Variants in SLC24A2 observed in about 807,000 individuals in gnomAD.
The protein encoded by SLC24A2 is solute carrier family 24 member 2.
Under a neutral mutation model 62.0 loss-of-function variants are expected in SLC24A2, and 36 were observed. The observed-to-expected ratio is 0.58, with a 90% CI of 0.44 to 0.77. The LOEUF (loss-of-function observed/expected upper bound fraction) is 0.77. SLC24A2 is among the 30% of genes least tolerant of loss of function. SLC24A2 has a pLI of 0.00. For synonymous variants in SLC24A2, 358 were observed against 294.0 expected (o/e 1.22, Z -2.23); for missense variants, 846 against 817.9 (o/e 1.03, Z -0.42).
the SLC24A2 span, among the ~76,000 whole-genome samples, chr9:19,953,250 G>C: frequency 8.6e-5 from 13 of 151,908 alleles, no homozygotes; most frequent in African/African-American, 3.1e-4. Flanking sequence ...CTATTGTATT[G>C]ATATTCCTTC....
intron 2 of SLC24A2, among the ~76,000 whole-genome samples, chr9:19,659,397 G>A (rs983226456): frequency 6.6e-6 from 1 of 152,136 alleles, no homozygotes; most frequent in African/African-American, 2.4e-5. Context: ...CTTTGTTATG[G>A]CAGCCCTGAG....
At chr9:19,771,934 T>C (rs999275835) in intron 2 of SLC24A2, among the ~76,000 whole-genome samples, 2 of 152,070 alleles carry the variant, frequency 1.3e-5, no homozygotes, top group African/African-American at 4.8e-5. Context: ...AGAAGGTGGA[T>C]GGGCAAGTTT....
Position 19,515,837 on chromosome 9 carries a change from T to C in SLC24A2, c.*316A>G, listed in dbSNP as rs1301161341. On this transcript the variant is annotated 3_prime_UTR_variant, in exon 11 of 11. Transcript: ENST00000341998. ...TTTATAATATGTGTATTTATAGATA[T>C]ATATAGCCTGTGTCCTTGTTTGCAT... is the stretch of plus-strand genomic sequence containing the variant. 2 of 383,002 alleles carry C rather than the reference T, an allele frequency of 5.2e-6. No individual in the cohort carries two copies. The highest frequency in any genetic ancestry group is 4.4e-5 in the South Asian group (2 of 45,706). The allele number at this position is 383,002 out of a possible 1,614,324, so 23.7% of individuals were successfully genotyped here.
chr9:19,613,041 G>T (rs1276372772), intron 4 of SLC24A2, among the ~76,000 whole-genome samples: 1 of 152,152 alleles, frequency 6.6e-6, no homozygotes, highest in Non-Finnish European at 1.5e-5. Context: ...CATGAAGTGG[G>T]GATGATGAGA....
Position 19,525,150 on chromosome 9 carries a change from A to C in SLC24A2, c.1569+2899T>G, listed in dbSNP as rs184534650. ...CACAGAGAACTTGCTCAGGAAGCCA[A>C]TGATTTTTTGGAAATATCCAGGAAG... On this transcript the variant is annotated intron_variant, in intron 9 of 10. Transcript: ENST00000341998. Among the ~76,000 whole-genome samples, 30 of 152,246 alleles carry C rather than the reference A, an allele frequency of 2.0e-4. No homozygotes were observed. In the East Asian group the frequency reaches 2.9e-3, roughly 15 times the overall value.
chr9:20,215,889 T>C, the SLC24A2 span, among the ~76,000 whole-genome samples: 35 of 152,278 alleles, frequency 2.3e-4, no homozygotes, highest in Non-Finnish European at 4.1e-4. Flanking sequence ...AGAGAAAGCA[T>C]GCAAGCGTCT....
At chr9:19,589,092 T>C (rs1163628396) in intron 5 of SLC24A2, among the ~76,000 whole-genome samples, 3 of 152,252 alleles carry the variant, frequency 2.0e-5, no homozygotes, top group Admixed American at 2.0e-4. Flanking sequence ...TGATCTGGCA[T>C]TTCTATCTTC....
At chr9:19,679,211 G>A (rs1819642925) in intron 2 of SLC24A2, among the ~76,000 whole-genome samples, 1 of 152,028 alleles carries the variant, frequency 6.6e-6, no homozygotes. Flanking sequence ...ATACCAAAGG[G>A]CAATAGTGTC....
intron 7 of SLC24A2, among the ~76,000 whole-genome samples, chr9:19,566,687 A>G (rs1189475029): frequency 6.6e-6 from 1 of 152,226 alleles, no homozygotes; most frequent in Non-Finnish European, 1.5e-5. Context: ...ACTATTCACA[A>G]TAGCAAAGAC....
the SLC24A2 span, among the ~76,000 whole-genome samples, chr9:20,023,830 G>A: frequency 2.0e-5 from 3 of 152,226 alleles, no homozygotes; most frequent in South Asian, 6.2e-4. Context: ...GAAGGCAAAT[G>A]GTTCCAAAAC....
At chr9:19,697,506 A>T (rs1820227246) in intron 2 of SLC24A2, among the ~76,000 whole-genome samples, 1 of 152,204 alleles carries the variant, frequency 6.6e-6, no homozygotes, top group African/African-American at 2.4e-5. Context: ...CTAATTTAGG[A>T]ATTGAGAAAA....
intron 2 of SLC24A2, chr9:19,705,240 T>C (rs1396406191): frequency 6.6e-6 from 1 of 152,220 alleles, no homozygotes; most frequent in African/African-American, 2.4e-5. Flanking sequence ...ATAAGACATT[T>C]ATTATAAAGG....
the SLC24A2 span, among the ~76,000 whole-genome samples, chr9:20,101,731 G>C: frequency 2.0e-5 from 3 of 151,894 alleles, no homozygotes; most frequent in Non-Finnish European, 2.9e-5. Context: ...TATCAACTCA[G>C]GTCTGAAAAA....
At chr9:20,140,932 CA>C in the SLC24A2 span, among the ~76,000 whole-genome samples, 1 of 152,170 alleles carries the variant, frequency 6.6e-6, no homozygotes. Flanking sequence ...ACCTCCAATT[CA>C]ACCACCACTC....
chr9:20,169,054 A>G, the SLC24A2 span, among the ~76,000 whole-genome samples: 1 of 152,060 alleles, frequency 6.6e-6, no homozygotes, highest in African/African-American at 2.4e-5. Context: ...ATATTACAAA[A>G]TAGGTGGGCA....
chr9:19,507,703 T>A lies in SLC24A2; in HGVS notation c.*8450A>T, dbSNP rs1011253113. 2.6e-5 allele frequency: 4 copies of A among 152,224 alleles called. No homozygotes were observed. Among genetic ancestry groups the A allele is most frequent in the Non-Finnish European group, 5.9e-5 (4 of 68,036 alleles). The allele number at this position is 152,224 out of a possible 1,614,324, so 9.4% of individuals were successfully genotyped here. On this transcript the variant is annotated 3_prime_UTR_variant, in exon 11 of 11. Transcript: ENST00000341998. Reference sequence around the variant, plus strand: ...ATTCACAGAGAATAAACTGACATAGTATCACCATGTATCTCATCATCCAGT... The same window carrying A: ...ATTCACAGAGAATAAACTGACATAGAATCACCATGTATCTCATCATCCAGT...
At chr9:19,553,963 C>G (rs1834963491) in intron 7 of SLC24A2, among the ~76,000 whole-genome samples, 1 of 152,108 alleles carries the variant, frequency 6.6e-6, no homozygotes, top group South Asian at 2.1e-4. Flanking sequence ...TTCTCCCCCA[C>G]CCAAATTCAT....
chr9:19,553,614 T>G (rs1181423751), intron 7 of SLC24A2, among the ~76,000 whole-genome samples: 2 of 152,140 alleles, frequency 1.3e-5, no homozygotes, highest in Non-Finnish European at 2.9e-5. Context: ...AAAGAGTCAG[T>G]GCAGCATGCT....
At chr9:19,815,616 TG>T in the SLC24A2 span, among the ~76,000 whole-genome samples, 1 of 152,136 alleles carries the variant, frequency 6.6e-6, no homozygotes, top group Non-Finnish European at 1.5e-5. Flanking sequence ...CCTAGAAAAA[TG>T]CGTTATGCAC....
Sources: allele counts gnomAD v4.1 joint callset (sites outside exome capture counted in the v4.1 genomes callset), GRCh38; gene constraint gnomAD v4.1.1; transcripts MANE v1.5; gene names NCBI Gene and HGNC (gene_info 2026-07-23, HGNC 2026-07-21).